The following KCNT2 variants were observed in gnomAD, a reference collection of about 807,000 sequenced individuals.
KCNT2 encodes the protein potassium sodium-activated channel subfamily T member 2, also known as potassium channel subfamily T member 2.
In KCNT2, 67 loss-of-function variants were observed where a neutral mutation model predicts 153.8. The ratio of observed to expected loss-of-function variants is 0.44; its 90% CI spans 0.36 to 0.53. The LOEUF (loss-of-function observed/expected upper bound fraction) is 0.53, where lower values mean the gene tolerates loss of function less well. Among genes scored for constraint, KCNT2 ranks in the 20% least tolerant of loss-of-function variants. The pLI, the probability that KCNT2 is intolerant of heterozygous loss-of-function variation, is 0.00. For synonymous variants in KCNT2, 500 were observed against 458.8 expected, an observed-to-expected ratio of 1.09 and a Z score of -1.15; for missense variants, 975 against 1,354.8, an observed-to-expected ratio of 0.72 and a Z score of 4.40.
intron 1 of KCNT2, among the ~76,000 whole-genome samples, chr1:196,583,738 T>A (rs147841732): frequency 6.6e-6 from 1 of 152,042 alleles, no homozygotes. Flanking sequence ...TCATTGGACC[T>A]GGCATGAAAA....
chr1:196,353,908 C>T (rs1666961242), intron 14 of KCNT2, among the ~76,000 whole-genome samples: 1 of 151,774 alleles, frequency 6.6e-6, no homozygotes. Flanking sequence ...ATTTCCTGTC[C>T]TAGATACAAT....
At chr1:196,418,854 G>T (rs1163000403) in intron 12 of KCNT2, among the ~76,000 whole-genome samples, 1 of 152,126 alleles carries the variant, frequency 6.6e-6, no homozygotes, top group Non-Finnish European at 1.5e-5. Flanking sequence ...CAAAACCCCT[G>T]CCCAGAAGTG....
chr1:196,299,554 C>T (rs180854569), intron 22 of KCNT2, among the ~76,000 whole-genome samples: 29 of 151,936 alleles, frequency 1.9e-4, no homozygotes, highest in African/African-American at 6.8e-4. Flanking sequence ...ATCATCTCAC[C>T]CCAGTTAGAA....
At chr1:196,580,973 C>G (rs1373741676) in intron 1 of KCNT2, among the ~76,000 whole-genome samples, 1 of 152,064 alleles carries the variant, frequency 6.6e-6, no homozygotes, top group Non-Finnish European at 1.5e-5. Flanking sequence ...GATTTTTGAG[C>G]TATGTACAAT....
At chr1:196,505,626 C>T (rs1681069505) in intron 1 of KCNT2, among the ~76,000 whole-genome samples, 1 of 152,084 alleles carries the variant, frequency 6.6e-6, no homozygotes, top group Non-Finnish European at 1.5e-5. Context: ...TGAAGAAAGT[C>T]ATTGGTAGCT....
At chr1:196,270,642 T>G (rs1293241914) in intron 25 of KCNT2, among the ~76,000 whole-genome samples, 1 of 152,090 alleles carries the variant, frequency 6.6e-6, no homozygotes, top group Non-Finnish European at 1.5e-5. Flanking sequence ...CTCTGTTAAC[T>G]TAGCAGTGCA....
intron 14 of KCNT2, among the ~76,000 whole-genome samples, chr1:196,351,042 T>A (rs1029490791): frequency 6.6e-6 from 1 of 152,192 alleles, no homozygotes; most frequent in African/African-American, 2.4e-5. Flanking sequence ...CTGAGGGCTC[T>A]GTTCTGTTCC....
At chr1:196,334,488 T>TTTC (rs978397393) in intron 16 of KCNT2, among the ~76,000 whole-genome samples, 3 of 87,798 alleles carry the variant, frequency 3.4e-5, no homozygotes, top group African/African-American at 2.8e-4. Flanking sequence ...TCTTTCTTTC[T>TTTC]TTTTTTTTTT....
rs543059302 is a variant in KCNT2, at chr1:196,508,990, C to T, written c.96-16649G>A. Among the ~76,000 whole-genome samples the T allele has an allele frequency of 3.9e-5, 6 of 152,166 alleles. No homozygotes were observed. In the South Asian group the frequency reaches 8.3e-4, roughly 21 times the overall value. On this transcript the variant is annotated intron_variant, in intron 1 of 27. Transcript: ENST00000294725. ...GCATGTACAAGAAGGTTCAAAGGAC[C>T]GGGCACAGTTGCTAATGCCTGTAAT...
intron 22 of KCNT2, among the ~76,000 whole-genome samples, chr1:196,293,938 T>C (rs779510476): frequency 1.3e-5 from 2 of 149,432 alleles, no homozygotes; most frequent in Non-Finnish European, 3.0e-5. Flanking sequence ...GGAGAAAATA[T>C]TGGCAAATAA....
At chr1:196,254,959 C>A (rs1239580392) in intron 26 of KCNT2, among the ~76,000 whole-genome samples, 1 of 151,552 alleles carries the variant, frequency 6.6e-6, no homozygotes, top group Non-Finnish European at 1.5e-5. Context: ...GGCTTTTCAT[C>A]TTTTACTAAC....
intron 25 of KCNT2, among the ~76,000 whole-genome samples, chr1:196,279,661 C>A (rs540507282): frequency 3.0e-4 from 45 of 151,108 alleles, no homozygotes; most frequent in Non-Finnish European, 6.2e-4. Context: ...AACTCCTGAC[C>A]TTGTGATCTA....
intron 1 of KCNT2, among the ~76,000 whole-genome samples, chr1:196,536,915 G>A (rs975335124): frequency 1.3e-5 from 2 of 152,170 alleles, no homozygotes; most frequent in Middle Eastern, 3.2e-3. Flanking sequence ...AGCCTGAAGG[G>A]CAGCATATGC....
At chr1:196,460,757 G>A (rs979893872) in intron 8 of KCNT2, among the ~76,000 whole-genome samples, 1 of 151,638 alleles carries the variant, frequency 6.6e-6, no homozygotes, top group East Asian at 1.9e-4. Context: ...AACTTAATAT[G>A]AGACTCATTT....
At chr1:196,335,191 C>T (rs1468885346) in intron 16 of KCNT2, among the ~76,000 whole-genome samples, 1 of 152,046 alleles carries the variant, frequency 6.6e-6, no homozygotes, top group African/African-American at 2.4e-5. Flanking sequence ...CTAAAAGTTG[C>T]TAGTCTTTGC....
At chr1:196,236,136 A>G in intron 26 of KCNT2, 66 bp from the exon 27 acceptor site, 1 of 858,684 alleles carries the variant, frequency 1.2e-6, no homozygotes, top group Non-Finnish European at 2.0e-6. Context: ...TTACTAGTGA[A>G]CAGCTTATAT....
At chr1:196,471,052 T>G (rs1678060378) in intron 5 of KCNT2, among the ~76,000 whole-genome samples, 4 of 151,710 alleles carry the variant, frequency 2.6e-5, no homozygotes, top group African/African-American at 9.7e-5. Flanking sequence ...GGCTAATCTT[T>G]TTTTTATTCT....
chr1:196,588,577 A>C (rs1250964025), intron 1 of KCNT2, among the ~76,000 whole-genome samples: 1 of 152,088 alleles, frequency 6.6e-6, no homozygotes, highest in Non-Finnish European at 1.5e-5. Context: ...CTTAATACAT[A>C]AGCTGTGTAA....
At chr1:196,229,497 A>T (rs953084633) in intron 27 of KCNT2, among the ~76,000 whole-genome samples, 3 of 152,098 alleles carry the variant, frequency 2.0e-5, no homozygotes, top group African/African-American at 4.8e-5. Flanking sequence ...AAGTTAGATT[A>T]GTTAATAACC....
Sources: gnomAD v4.1 joint callset for allele counts (sites outside exome capture counted in the v4.1 genomes callset) on GRCh38, gnomAD v4.1.1 for gene constraint, MANE v1.5 for transcripts, NCBI Gene and HGNC (gene_info 2026-07-23, HGNC 2026-07-21) for gene names.